Variants in CNTN3 observed in about 807,000 individuals in gnomAD.
CNTN3 encodes the protein contactin 3.
A neutral mutation model predicts 119.1 loss-of-function variants in CNTN3; 60 were observed. That is an observed-to-expected ratio of 0.50 (90% CI 0.41 to 0.62). CNTN3 has a LOEUF of 0.62. Ranked by LOEUF, CNTN3 falls within the 20% of genes least tolerant of loss-of-function variation. The pLI is 0.00. For synonymous variants in CNTN3, 450 were observed against 438.7 expected (o/e 1.03, Z -0.32); for missense variants, 1,101 against 1,242.4 (o/e 0.89, Z 1.71).
At chr3:74,483,648 T>G in intron 4 of CNTN3, among the ~76,000 whole-genome samples, 1 of 152,044 alleles carries the variant, frequency 6.6e-6, no homozygotes, top group East Asian at 1.9e-4. Context: ...CCCTAACCTT[T>G]TTGCATTTCT....
chr3:74,414,656 C>T (rs1203385390), intron 5 of CNTN3, among the ~76,000 whole-genome samples: 1 of 152,034 alleles, frequency 6.6e-6, no homozygotes, highest in African/African-American at 2.4e-5. Flanking sequence ...AAAACACTGC[C>T]CTATGACCAA....
chr3:74,433,724 T>C (rs191491814), intron 4 of CNTN3, among the ~76,000 whole-genome samples: 4 of 152,296 alleles, frequency 2.6e-5, no homozygotes, highest in African/African-American at 7.2e-5. Flanking sequence ...AGCACAAAAA[T>C]GCTAGCCCAT....
intron 10 of CNTN3, among the ~76,000 whole-genome samples, chr3:74,363,023 C>T (rs753196334): frequency 6.6e-6 from 1 of 152,166 alleles, no homozygotes; most frequent in African/African-American, 2.4e-5. Context: ...TTTCTTCATA[C>T]ACAACAATCC....
chr3:74,317,697 G>T (rs1256180053), intron 13 of CNTN3, among the ~76,000 whole-genome samples: 4 of 152,252 alleles, frequency 2.6e-5, no homozygotes, highest in Non-Finnish European at 5.9e-5. Context: ...GAGTTTCTGT[G>T]GAGAGATCAG....
intron 4 of CNTN3, among the ~76,000 whole-genome samples, chr3:74,427,787 G>C (rs561360304): frequency 5.0e-4 from 76 of 151,974 alleles, no homozygotes; most frequent in Middle Eastern, 3.4e-3. Flanking sequence ...ACTCACAATT[G>C]TTCCAAATAA....
chr3:74,279,971 A>G (rs1403306387), intron 20 of CNTN3, among the ~76,000 whole-genome samples: 1 of 152,108 alleles, frequency 6.6e-6, no homozygotes. Context: ...GGGTGACTAT[A>G]GTCAATAATA....
At chr3:74,334,599 AC>A in intron 13 of CNTN3, 135 bp downstream of exon 13, 1 of 689,618 alleles carries the variant, frequency 1.5e-6, no homozygotes, top group South Asian at 2.2e-5. Flanking sequence ...TCAAAACAGA[AC>A]TGAGAACCAC....
chr3:74,427,035 C>G (rs1575714270), intron 4 of CNTN3, among the ~76,000 whole-genome samples: 1 of 152,272 alleles, frequency 6.6e-6, no homozygotes, highest in East Asian at 1.9e-4. Flanking sequence ...CCAGTAATGT[C>G]TCCTCCAAAG....
At position 74,497,612 on chromosome 3, in the gene CNTN3, G is replaced by A. The variant is rs181915468; in HGVS notation, c.182+2047C>T. ...ATCTTAATTTTAGAAAATTTTTAAA[G>A]TTATAAGGAAAGTATCTGCTCTATT... On this transcript the variant is annotated intron_variant, in intron 3 of 22. Coordinates refer to ENST00000263665, the MANE Select transcript of CNTN3 (RefSeq NM_020872.3). Among the ~76,000 whole-genome samples, 474 of 151,676 alleles carry A rather than the reference G, an allele frequency of 3.1e-3. 1 individual carries two copies. The highest frequency in any genetic ancestry group is 0.01 in the African/African-American group (423 of 41,486).
In CNTN3 at chr3:74,296,943, T is replaced by A. The variant is rs561214305; in HGVS notation, c.2401+1014A>T. Among the ~76,000 whole-genome samples the A allele has an allele frequency of 1.2e-4, 18 of 151,938 alleles. No individual in the cohort carries two copies. The South Asian group carries it at 1.2e-3, about 11-fold the overall frequency. On this transcript the variant is annotated intron_variant, in intron 18 of 22. Coordinates refer to ENST00000263665, the MANE Select transcript of CNTN3 (RefSeq NM_020872.3). ...TGATCTATGAAATGGCAATTTTGCA[T>A]AATTCTTTTACCTTGATTATTTTCT... is the stretch of plus-strand genomic sequence containing the variant.
chr3:74,315,872 A>G (rs1702820435), intron 13 of CNTN3, among the ~76,000 whole-genome samples: 1 of 152,206 alleles, frequency 6.6e-6, no homozygotes, highest in Admixed American at 6.5e-5. Flanking sequence ...GAAACACCCT[A>G]TGAAAATATT....
chr3:74,341,166 G>A (rs1703534705), intron 11 of CNTN3, among the ~76,000 whole-genome samples: 1 of 152,106 alleles, frequency 6.6e-6, no homozygotes, highest in Non-Finnish European at 1.5e-5. Flanking sequence ...TCCTAAATTG[G>A]TTCTTCCAGT....
intron 1 of CNTN3, among the ~76,000 whole-genome samples, chr3:74,606,063 A>T (rs1480332358): frequency 6.6e-6 from 1 of 152,122 alleles, no homozygotes; most frequent in East Asian, 1.9e-4. Context: ...GTGAGTAAAC[A>T]TATGCAATTT....
intron 1 of CNTN3, among the ~76,000 whole-genome samples, chr3:74,595,463 T>TG (rs1368983393): frequency 6.6e-6 from 1 of 152,164 alleles, no homozygotes; most frequent in Non-Finnish European, 1.5e-5. Flanking sequence ...CTTGAATTAA[T>TG]TTTTGTAGAA....
intron 1 of CNTN3, among the ~76,000 whole-genome samples, chr3:74,532,321 G>A (rs1703704622): frequency 6.6e-6 from 1 of 151,990 alleles, no homozygotes; most frequent in Non-Finnish European, 1.5e-5. Context: ...TGAGCATACA[G>A]TAGACCCCCT....
intron 5 of CNTN3, among the ~76,000 whole-genome samples, chr3:74,387,727 T>C (rs767102407): frequency 1.8e-4 from 28 of 152,252 alleles, no homozygotes; most frequent in Non-Finnish European, 3.7e-4. Flanking sequence ...CACCTCCCTA[T>C]GGGGCTAGAG....
intron 11 of CNTN3, among the ~76,000 whole-genome samples, chr3:74,354,816 C>A (rs959412484): frequency 6.6e-6 from 1 of 151,588 alleles, no homozygotes; most frequent in South Asian, 2.1e-4. Flanking sequence ...GGTGACTTGG[C>A]ATTTATTTAA....
chr3:74,510,854 C>T (rs533237085), intron 2 of CNTN3, among the ~76,000 whole-genome samples: 2 of 152,058 alleles, frequency 1.3e-5, no homozygotes, highest in Non-Finnish European at 2.9e-5. Flanking sequence ...AAATCAGTCA[C>T]CTGCTGGCTG....
chr3:74,505,402 G>A (rs61224614), intron 2 of CNTN3, among the ~76,000 whole-genome samples: 31,157 of 151,822 alleles, frequency 0.21, 3,477 homozygotes, highest in East Asian at 0.38. Flanking sequence ...AAAGAATGCT[G>A]GGAACTACTG....
Sources: allele counts gnomAD v4.1 joint callset (sites outside exome capture counted in the v4.1 genomes callset), GRCh38; gene constraint gnomAD v4.1.1; transcripts MANE v1.5; gene names NCBI Gene and HGNC (gene_info 2026-07-23, HGNC 2026-07-21).